Variants in COL6A5 observed in about 807,000 individuals in gnomAD.
The protein encoded by COL6A5 is collagen alpha-5(VI) chain.
Under a neutral mutation model 65.6 loss-of-function variants are expected in COL6A5, and 48 were observed. The ratio of observed to expected loss-of-function variants is 0.73; its 90% CI spans 0.58 to 0.93. The LOEUF (loss-of-function observed/expected upper bound fraction) is 0.93. Ranked by LOEUF, COL6A5 falls within the 40% of genes least tolerant of loss-of-function variation. COL6A5 has a pLI of 0.00. For missense variants in COL6A5, 914 were observed against 928.3 expected (o/e 0.98, Z 0.20); for synonymous variants, 291 against 322.8 (o/e 0.90, Z 1.05).
intron 24 of COL6A5, among the ~76,000 whole-genome samples, chr3:130,418,292 T>C (rs1937414816): frequency 6.6e-6 from 1 of 152,068 alleles, no homozygotes; most frequent in African/African-American, 2.4e-5. Flanking sequence ...CTCTCACTAA[T>C]GTCTTCCCTC....
At chr3:130,473,225 G>T (rs939018487) in intron 7 of COL6A5, among the ~76,000 whole-genome samples, 1 of 151,868 alleles carries the variant, frequency 6.6e-6, no homozygotes, top group Non-Finnish European at 1.5e-5. Flanking sequence ...ACTACCTGAG[G>T]GCTCTGAAAA....
At chr3:130,355,595 C>G (rs1340667594) in intron 1 of COL6A5, among the ~76,000 whole-genome samples, 8 of 151,802 alleles carry the variant, frequency 5.3e-5, no homozygotes, top group Non-Finnish European at 1.0e-4. Flanking sequence ...ATTTTACACA[C>G]ACACACACAC....
intron 5 of COL6A5, among the ~76,000 whole-genome samples, chr3:130,458,981 C>T (rs1248600370): frequency 2.0e-5 from 3 of 152,112 alleles, no homozygotes; most frequent in East Asian, 3.9e-4. Flanking sequence ...TTAGCACTTT[C>T]GCCAAAGATG....
At chr3:130,405,543 G>A (rs1364191144) in intron 13 of COL6A5, 45 bp from the exon 14 acceptor site, 1 of 1,446,962 alleles carries the variant, frequency 6.9e-7, no homozygotes, top group Non-Finnish European at 9.5e-7. Flanking sequence ...GGCAGCTTCT[G>A]GCAAAAACAT....
rs960323177 is a variant in COL6A5 at position 130,440,921 on chromosome 3, A to G, written c.1241+96A>G. 47 of 908,218 alleles carry G rather than the reference A, an allele frequency of 5.2e-5. No individual in the cohort carries two copies. The Admixed American group carries it at 1.2e-3, about 23-fold the overall frequency. 56.3% of individuals were successfully genotyped at this position (908,218 alleles called of 1,614,324 possible). A position where few individuals can be genotyped will look rare whatever the true frequency, so the allele number is the denominator to read the frequency against. ...ATTTTTGTATCTATAGCTAATCTAA[A>G]CATAATTTATGAATTAGATGGTGAG... is the stretch of plus-strand genomic sequence containing the variant. On this transcript the variant is annotated intron_variant, in intron 3 of 7. Coordinates refer to ENST00000512836, the Ensembl canonical transcript of COL6A5.
intron 7 of COL6A5, chr3:130,471,879 T>C (rs1311204605): frequency 6.5e-7 from 1 of 1,531,250 alleles, no homozygotes; most frequent in South Asian, 1.2e-5. Context: ...AAAGCACATT[T>C]AGAAGAAATT....
chr3:130,379,993 A>C, exon 4 of COL6A5: 1 of 1,550,674 alleles, frequency 6.4e-7, no homozygotes, highest in Non-Finnish European at 8.7e-7. Context: ...AAAGCTCCAG[A>C]ATGAAATATG....
intron 1 of COL6A5, among the ~76,000 whole-genome samples, chr3:130,434,640 G>T (rs1937964954): frequency 6.6e-6 from 1 of 152,210 alleles, no homozygotes; most frequent in Non-Finnish European, 1.5e-5. Flanking sequence ...TGACTGGCAT[G>T]AGATGGTATC....
At chr3:130,435,523 CTT>C (rs145053944) in intron 1 of COL6A5, among the ~76,000 whole-genome samples, 3,742 of 152,238 alleles carry the variant, frequency 0.025, 97 homozygotes, top group African/African-American at 0.064. Context: ...CTATAAATAA[CTT>C]TGGGCAGTAT....
At position 130,376,845 on chromosome 3, in the gene COL6A5, AC is replaced by A; in HGVS notation, c.667+12del. 6.3e-7 allele frequency: 1 copy of A among 1,596,588 alleles called. No individual in the cohort carries two copies. The highest frequency in any genetic ancestry group is 8.5e-7 in the Non-Finnish European group (1 of 1,170,958). ...CGATGCTGATATGCAAGGTAAGGAA[AC>A]CCTTGGTTGAAGAGGTGCCTGATCC... is the stretch of plus-strand genomic sequence containing the variant. On this transcript the variant is annotated intron_variant and NMD_transcript_variant, in intron 3 of 41. Coordinates refer to the COL6A5 transcript ENST00000312481.
intron 4 of COL6A5, among the ~76,000 whole-genome samples, chr3:130,381,807 T>C (rs1376568501): frequency 6.6e-6 from 1 of 152,104 alleles, no homozygotes; most frequent in Non-Finnish European, 1.5e-5. Flanking sequence ...CTAATACTGT[T>C]ACTACACCAT....
Position 130,439,506 on chromosome 3 carries a change from T to G in COL6A5, c.488-16T>G. On this transcript the variant is annotated splice_polypyrimidine_tract_variant and intron_variant, in intron 1 of 7. Coordinates refer to ENST00000512836, the Ensembl canonical transcript of COL6A5. ...AAACAATGAGCAAACATGCGTTCACTTCTTTTCCAATGCAGTTTGACAACA... is the reference window on the plus strand; with the variant it reads ...AAACAATGAGCAAACATGCGTTCACGTCTTTTCCAATGCAGTTTGACAACA... 1 of 1,541,470 alleles carries G rather than the reference T, an allele frequency of 6.5e-7. No individual in the cohort carries two copies. The highest frequency in any genetic ancestry group is 1.2e-5 in the South Asian group (1 of 83,474).
intron 5 of COL6A5, among the ~76,000 whole-genome samples, chr3:130,463,478 C>T (rs550397391): frequency 5.9e-5 from 9 of 152,194 alleles, no homozygotes; most frequent in Admixed American, 2.6e-4. Flanking sequence ...TTTCCACCCC[C>T]GCTTCTCCCT....
At chr3:130,362,314 ATATATATATATATTTT>A (rs1332540323) in intron 1 of COL6A5, among the ~76,000 whole-genome samples, 201 of 15,480 alleles carry the variant, frequency 0.013, 3 homozygotes, top group East Asian at 0.049. Flanking sequence ...ATATATATAT[ATATATATATATATTTT>A]TTTTTTTTTT....
intron 5 of COL6A5, among the ~76,000 whole-genome samples, chr3:130,456,358 A>G (rs1709572048): frequency 6.6e-6 from 1 of 152,094 alleles, no homozygotes; most frequent in Admixed American, 6.6e-5. Context: ...ATGGGTAGAG[A>G]AAAAGGAAAA....
At chr3:130,474,215 T>A (rs1710032187) in intron 7 of COL6A5, among the ~76,000 whole-genome samples, 1 of 152,008 alleles carries the variant, frequency 6.6e-6, no homozygotes, top group Non-Finnish European at 1.5e-5. Context: ...ACTGTACATG[T>A]ATGAGAAAGA....
chr3:130,397,615 A>G (rs1199727677), exon 9 of COL6A5: 1 of 1,551,146 alleles, frequency 6.4e-7, no homozygotes. Context: ...TGGGTTTGAC[A>G]TCTCCACTCA....
At chr3:130,416,726 C>G (rs962538096) in intron 23 of COL6A5, 31 bp from the exon 24 acceptor site, 23 of 1,320,482 alleles carry the variant, frequency 1.7e-5, no homozygotes, top group Non-Finnish European at 2.2e-5. Context: ...TACTACGGTG[C>G]CAACATTTTA....
chr3:130,476,767 T>C, intron 7 of COL6A5: 1 of 529,362 alleles, frequency 1.9e-6, no homozygotes, highest in Admixed American at 2.3e-5. Context: ...AGTGTGCGTC[T>C]TTGTTGTTTG....
Sources: allele counts gnomAD v4.1 joint callset (sites outside exome capture counted in the v4.1 genomes callset), GRCh38; gene constraint gnomAD v4.1.1; transcripts MANE v1.5; gene names NCBI Gene and HGNC (gene_info 2026-07-23, HGNC 2026-07-21).